MAP3K9: variants seen among roughly 807,000 people sequenced by gnomAD.
MAP3K9 encodes the protein mixed lineage kinase 1 (tyr and ser/thr specificity).
MAP3K9 carries 46 observed loss-of-function variants against 95.8 expected under a neutral mutation model. The ratio of observed to expected loss-of-function variants is 0.48; its 90% CI spans 0.38 to 0.61. MAP3K9 has a LOEUF of 0.61. Among genes scored for constraint, MAP3K9 ranks in the 20% least tolerant of loss-of-function variants. MAP3K9 has a pLI of 0.00. For missense variants in MAP3K9, 1,296 were observed against 1,474.3 expected (o/e 0.88, Z 1.98); for synonymous variants, 533 against 593.8 (o/e 0.90, Z 1.49).
chr14:70,750,219 A>G (rs1594777834), intron 3 of MAP3K9, 138 bp from the exon 4 acceptor site: 3 of 846,072 alleles, frequency 3.5e-6, no homozygotes, highest in Admixed American at 5.8e-5. Flanking sequence ...CTAATGTGAT[A>G]TAAAAGGGAA....
At chr14:70,762,330 A>C (rs937554292) in intron 2 of MAP3K9, among the ~76,000 whole-genome samples, 1 of 152,216 alleles carries the variant, frequency 6.6e-6, no homozygotes. Context: ...TCTGCACAGC[A>C]GAAGAACCAT....
At chr14:70,731,455 A>T (rs2053902031) in intron 11 of MAP3K9, among the ~76,000 whole-genome samples, 1 of 152,210 alleles carries the variant, frequency 6.6e-6, no homozygotes, top group Non-Finnish European at 1.5e-5. Flanking sequence ...AAAAAAAAGA[A>T]AAAAAGGTAT....
rs1313332995 is a variant in MAP3K9, at chr14:70,725,375, A to C, written c.*5005T>G. ...TCATCAGGACAAAATGAGAAAGAGC[A>C]GTCTGAGAGGAAGTCCATAAGAGAC... On this transcript the variant is annotated 3_prime_UTR_variant, in exon 12 of 12. Coordinates refer to ENST00000554752, the MANE Select transcript of MAP3K9 (RefSeq NM_001284230.2). 1 of 152,254 alleles carries C rather than the reference A, an allele frequency of 6.6e-6. No homozygotes were observed. The highest frequency in any genetic ancestry group is 1.5e-5 in the Non-Finnish European group (1 of 68,054). 9.4% of individuals were successfully genotyped at this position (152,254 alleles called of 1,614,324 possible). A position where few individuals can be genotyped will look rare whatever the true frequency, so the allele number is the denominator to read the frequency against.
At chr14:70,763,251 A>G (rs1029648106) in intron 2 of MAP3K9, among the ~76,000 whole-genome samples, 1 of 152,226 alleles carries the variant, frequency 6.6e-6, no homozygotes, top group Non-Finnish European at 1.5e-5. Flanking sequence ...GCAATGGCAA[A>G]AACAGTCATG....
chr14:70,735,366 C>CTTTT (rs10716151), intron 9 of MAP3K9, among the ~76,000 whole-genome samples: 1 of 140,136 alleles, frequency 7.1e-6, no homozygotes, highest in Non-Finnish European at 1.5e-5. Flanking sequence ...CAGAGTGGCT[C>CTTTT]TTTTTTTTTT....
intron 1 of MAP3K9, among the ~76,000 whole-genome samples, chr14:70,801,936 A>G (rs1249277038): frequency 6.6e-6 from 1 of 152,202 alleles, no homozygotes; most frequent in Non-Finnish European, 1.5e-5. Flanking sequence ...CATGTGCATC[A>G]GGATTGGAGA....
chr14:70,776,654 G>C (rs2054603091), intron 2 of MAP3K9, among the ~76,000 whole-genome samples: 1 of 152,036 alleles, frequency 6.6e-6, no homozygotes, highest in African/African-American at 2.4e-5. Context: ...CCTCAAAATA[G>C]GTATATATTT....
chr14:70,784,440 A>C (rs1243315438), intron 2 of MAP3K9, among the ~76,000 whole-genome samples: 1 of 151,964 alleles, frequency 6.6e-6, no homozygotes, highest in Non-Finnish European at 1.5e-5. Context: ...CAGGACAAAC[A>C]CTAACAAGAA....
At chr14:70,785,185 T>C (rs1304048159) in intron 2 of MAP3K9, among the ~76,000 whole-genome samples, 2 of 152,184 alleles carry the variant, frequency 1.3e-5, no homozygotes, top group Non-Finnish European at 2.9e-5. Context: ...TCCTCTGTTA[T>C]AAAATGGGGA....
Position 70,801,020 on chromosome 14 carries a change from C to T in MAP3K9, c.467G>A (p.Gly156Glu), listed in dbSNP as rs1362461090. 8.1e-6 allele frequency: 13 copies of T among 1,614,090 alleles called. No homozygotes were observed. The highest frequency in any genetic ancestry group is 1.0e-5 in the Non-Finnish European group (12 of 1,180,040). ...LEEIIGIGGF[G>E]KVYRAFWIGD... The stretch of plus-strand genomic sequence containing the variant: ...TATCCAGAAAGCACGATAGACCTTC[C>T]CAAAGCCCCCGATGCCAATAATCTC... The change falls in exon 2 of 12, where the codon GGG becomes GAG. Residue 156 changes from glycine to glutamate, a missense_variant. Transcript: ENST00000554752.
intron 11 of MAP3K9, among the ~76,000 whole-genome samples, chr14:70,731,704 A>G (rs1234142444): frequency 6.6e-6 from 1 of 152,222 alleles, no homozygotes; most frequent in African/African-American, 2.4e-5. Context: ...AAAGGTGAGT[A>G]ATGTAGGGTT....
rs542772441 is a variant in MAP3K9, at chr14:70,725,415, C to A, written c.*4965G>T. 6.6e-6 allele frequency: 1 copy of A among 152,210 alleles called. No homozygotes were observed. Among genetic ancestry groups the A allele is most frequent in the Non-Finnish European group, 1.5e-5 (1 of 68,044 alleles). The allele number at this position is 152,210 out of a possible 1,614,324, so 9.4% of individuals were successfully genotyped here. On this transcript the variant is annotated 3_prime_UTR_variant, in exon 12 of 12. Coordinates refer to ENST00000554752, the MANE Select transcript of MAP3K9 (RefSeq NM_001284230.2). ...CCATAAGAGACTCACCTGGCCTGCA[C>A]GGCTAACCATAAGTCCCGGGCTGAG...
chr14:70,786,404 AG>A (rs2054745344), intron 2 of MAP3K9, among the ~76,000 whole-genome samples: 1 of 152,190 alleles, frequency 6.6e-6, no homozygotes, highest in African/African-American at 2.4e-5. Context: ...CTACTGCTTA[AG>A]AAATAAAAAA....
chr14:70,736,956 T>C (rs1056312333), intron 8 of MAP3K9, among the ~76,000 whole-genome samples: 2 of 152,226 alleles, frequency 1.3e-5, no homozygotes, highest in Non-Finnish European at 2.9e-5. Flanking sequence ...GGGAAAATCA[T>C]AGATTTTGGA....
chr14:70,763,198 A>G (rs1303212346), intron 2 of MAP3K9, among the ~76,000 whole-genome samples: 1 of 152,260 alleles, frequency 6.6e-6, no homozygotes, highest in Non-Finnish European at 1.5e-5. Context: ...ATTTTGGTGA[A>G]GTCCATAAGA....
chr14:70,785,000 G>A (rs769567706), intron 2 of MAP3K9, among the ~76,000 whole-genome samples: 22 of 152,158 alleles, frequency 1.4e-4, no homozygotes, highest in Non-Finnish European at 2.4e-4. Flanking sequence ...CACAGGGTCC[G>A]TCCTGCAGAA....
At chr14:70,751,648 G>A (rs528727912) in intron 3 of MAP3K9, among the ~76,000 whole-genome samples, 10 of 152,252 alleles carry the variant, frequency 6.6e-5, no homozygotes, top group African/African-American at 2.4e-4. Context: ...GAATCTAGGA[G>A]GCGAAGGTTG....
rs182522807 is a variant in MAP3K9, at chr14:70,756,496, C to A, written c.1001+4506G>T. On this transcript the variant is annotated intron_variant, in intron 3 of 11. Coordinates refer to ENST00000554752, the MANE Select transcript of MAP3K9 (RefSeq NM_001284230.2). ...CTTCCATAGTGGGGCACACAGTTGT[C>A]CAGCTAGAACGTACATTTTTCTGCC... Among the ~76,000 whole-genome samples, 66 of 152,318 alleles carry A rather than the reference C, an allele frequency of 4.3e-4. 1 individual carries two copies. Among genetic ancestry groups the A allele is most frequent in the Non-Finnish European group, 7.5e-4 (51 of 68,026 alleles).
At chr14:70,799,269 C>T (rs545451371) in intron 2 of MAP3K9, among the ~76,000 whole-genome samples, 2 of 152,162 alleles carry the variant, frequency 1.3e-5, no homozygotes, top group Admixed American at 1.3e-4. Flanking sequence ...GCCTCAGCTT[C>T]CCCAAAGTGC....
Sources: gnomAD v4.1 joint callset for allele counts (sites outside exome capture counted in the v4.1 genomes callset) on GRCh38, gnomAD v4.1.1 for gene constraint, MANE v1.5 for transcripts, NCBI Gene and HGNC (gene_info 2026-07-23, HGNC 2026-07-21) for gene names.